The following PCDHA3 variants were observed in gnomAD, a reference collection of about 807,000 sequenced individuals.
PCDHA3 encodes protocadherin alpha-3.
PCDHA3 carries 41 observed loss-of-function variants against 62.2 expected under a neutral mutation model. That is an observed-to-expected ratio of 0.66 (90% CI 0.51 to 0.86). The LOEUF is 0.86. PCDHA3 is among the 40% of genes least tolerant of loss of function. The pLI is 0.00. For synonymous variants in PCDHA3, 640 were observed against 555.4 expected, an observed-to-expected ratio of 1.15 and a Z score of -2.14; for missense variants, 1,304 against 1,241.2, an observed-to-expected ratio of 1.05 and a Z score of -0.76.
chr5:140,854,873 T>C (rs575703507), intron 1 of PCDHA3, among the ~76,000 whole-genome samples: 7 of 150,078 alleles, frequency 4.7e-5, no homozygotes, highest in African/African-American at 1.7e-4. Flanking sequence ...TTCAGAACTG[T>C]GTCTTTTGGG....
chr5:140,967,451 G>A, intron 1 of PCDHA3: 2 of 1,613,628 alleles, frequency 1.2e-6, no homozygotes, highest in South Asian at 2.2e-5. Flanking sequence ...GGTTCTCACA[G>A]CCGTGGATGG....
At chr5:141,004,258 A>C (rs1164603441) in intron 3 of PCDHA3, among the ~76,000 whole-genome samples, 1 of 152,232 alleles carries the variant, frequency 6.6e-6, no homozygotes, top group Non-Finnish European at 1.5e-5. Flanking sequence ...TTTTACTGGA[A>C]TGAGTCACAG....
At chr5:140,851,302 A>G (rs2042019677) in intron 1 of PCDHA3, 4 of 1,013,018 alleles carry the variant, frequency 3.9e-6, no homozygotes, top group Non-Finnish European at 3.7e-6. Context: ...AAAAATATAT[A>G]GCAATTGTTA....
intron 1 of PCDHA3, chr5:140,841,681 C>G: frequency 6.2e-7 from 1 of 1,613,906 alleles, no homozygotes; most frequent in Non-Finnish European, 8.5e-7. Context: ...TCCATGTGGA[C>G]GTGGAGGTGA....
chr5:140,861,061 A>G (rs1278905276), intron 1 of PCDHA3: 1 of 152,226 alleles, frequency 6.6e-6, no homozygotes, highest in Admixed American at 6.5e-5. Context: ...AGAAAATCAG[A>G]TTATTCCTAG....
In PCDHA3 at chr5:140,912,862, T is replaced by C. The variant is rs181526076; in HGVS notation, c.2395-66087T>C. On this transcript the variant is annotated intron_variant, in intron 1 of 3. Coordinates refer to ENST00000522353, the MANE Select transcript of PCDHA3 (RefSeq NM_018906.3). Reference sequence around the variant, plus strand: ...GCTTTTTCAGCATCAATTGAAATGATATATGGTTTTTGGTCTTCATTCTGT... The same window carrying C: ...GCTTTTTCAGCATCAATTGAAATGACATATGGTTTTTGGTCTTCATTCTGT... Among the ~76,000 whole-genome samples, 6 of 152,338 alleles carry C rather than the reference T, an allele frequency of 3.9e-5. No individual in the cohort carries two copies. In the East Asian group the frequency reaches 1.2e-3, roughly 29 times the overall value.
chr5:141,007,722 A>G (rs559470783), intron 3 of PCDHA3, among the ~76,000 whole-genome samples: 30 of 152,290 alleles, frequency 2.0e-4, no homozygotes, highest in African/African-American at 6.5e-4. Flanking sequence ...ACCAGGGAGA[A>G]CAAAGGTTAA....
chr5:140,913,219 C>A (rs2076256091), intron 1 of PCDHA3, among the ~76,000 whole-genome samples: 2 of 152,122 alleles, frequency 1.3e-5, no homozygotes, highest in Non-Finnish European at 2.9e-5. Context: ...GGGTCCCAGG[C>A]TTTACTTTGC....
rs567582281 is a variant in PCDHA3 at position 140,946,595 on chromosome 5, G to C, written c.2395-32354G>C. ...CTTAGGTGTTCATAGTGGATGAATA[G>C]ATAAAGAAAATGTGAAATATATATA... On this transcript the variant is annotated intron_variant, in intron 1 of 3. Transcript: ENST00000522353. Among the ~76,000 whole-genome samples, 13 of 108,580 alleles carry C rather than the reference G, an allele frequency of 1.2e-4. No homozygotes were observed. In the South Asian group the frequency reaches 1.5e-3, roughly 12 times the overall value. 71.2% of individuals were successfully genotyped at this position (108,580 alleles called of 152,430 possible).
At chr5:140,920,388 T>C (rs1237249131) in intron 1 of PCDHA3, among the ~76,000 whole-genome samples, 1 of 152,214 alleles carries the variant, frequency 6.6e-6, no homozygotes, top group Non-Finnish European at 1.5e-5. Context: ...CATATTACCA[T>C]CTGGTGTCTT....
chr5:140,999,693 AT>A (rs202183337), intron 3 of PCDHA3, among the ~76,000 whole-genome samples: 13 of 151,522 alleles, frequency 8.6e-5, no homozygotes, highest in African/African-American at 2.4e-4. Flanking sequence ...AAGAAATGTG[AT>A]TTTTTTTTAG....
chr5:140,871,420 C>G (rs1193380487), intron 1 of PCDHA3: 1 of 1,613,620 alleles, frequency 6.2e-7, no homozygotes, highest in Non-Finnish European at 8.5e-7. Context: ...GGCCTTCAGC[C>G]CCAGTCTTCC....
chr5:140,965,445 G>T (rs1460508023), intron 1 of PCDHA3, among the ~76,000 whole-genome samples: 1 of 151,794 alleles, frequency 6.6e-6, no homozygotes, highest in Non-Finnish European at 1.5e-5. Flanking sequence ...TGAAATTGCT[G>T]GTTATTGTAA....
At chr5:140,954,938 GT>G (rs2095112203) in intron 1 of PCDHA3, among the ~76,000 whole-genome samples, 1 of 152,078 alleles carries the variant, frequency 6.6e-6, no homozygotes, top group Admixed American at 6.6e-5. Flanking sequence ...TTAATCTTGA[GT>G]TAATTTTTGT....
At chr5:140,933,221 G>T (rs952837794) in intron 1 of PCDHA3, among the ~76,000 whole-genome samples, 1 of 151,758 alleles carries the variant, frequency 6.6e-6, no homozygotes, top group Non-Finnish European at 1.5e-5. Flanking sequence ...CTGTTATATT[G>T]CATTTATGAA....
chr5:140,848,619 G>C lies in PCDHA3; in HGVS notation c.2394+45028G>C, dbSNP rs2150415128. The C allele has an allele frequency of 3.5e-5, 55 of 1,593,396 alleles. 5 individuals are homozygous for C. Among genetic ancestry groups the C allele is most frequent in the Admixed American group, 1.5e-4 (9 of 59,226 alleles). ...CTCCGTCCCGGAGGAAGCCGAACACGGCACCTTCGTGGGCCGCATCGCGCA... is the reference window on the plus strand; with the variant it reads ...CTCCGTCCCGGAGGAAGCCGAACACCGCACCTTCGTGGGCCGCATCGCGCA... On this transcript the variant is annotated intron_variant, in intron 1 of 3. Coordinates refer to ENST00000522353, the MANE Select transcript of PCDHA3 (RefSeq NM_018906.3).
At chr5:140,820,286 T>C (rs1554127813) in intron 1 of PCDHA3, among the ~76,000 whole-genome samples, 1 of 152,018 alleles carries the variant, frequency 6.6e-6, no homozygotes, top group Non-Finnish European at 1.5e-5. Flanking sequence ...AAAGATTGTA[T>C]CAGAAACAAT....
At chr5:140,894,457 T>C (rs2153447013) in intron 1 of PCDHA3, among the ~76,000 whole-genome samples, 1 of 152,166 alleles carries the variant, frequency 6.6e-6, no homozygotes, top group African/African-American at 2.4e-5. Flanking sequence ...AAAAAATATT[T>C]TACTTTTTAT....
At chr5:140,897,485 A>G (rs1189975695) in intron 1 of PCDHA3, among the ~76,000 whole-genome samples, 2 of 151,884 alleles carry the variant, frequency 1.3e-5, no homozygotes, top group African/African-American at 4.8e-5. Flanking sequence ...GATGATTTCC[A>G]ATTTCAACCA....
Sources: allele counts gnomAD v4.1 joint callset (sites outside exome capture counted in the v4.1 genomes callset), GRCh38; gene constraint gnomAD v4.1.1; transcripts MANE v1.5; gene names NCBI Gene and HGNC (gene_info 2026-07-23, HGNC 2026-07-21).